Variants in PRKAR1B observed in about 807,000 individuals in gnomAD.
The protein encoded by PRKAR1B is cAMP-dependent protein kinase type I-beta regulatory subunit.
A neutral mutation model predicts 46.5 loss-of-function variants in PRKAR1B; 22 were observed. That is an observed-to-expected ratio of 0.47 (90% CI 0.34 to 0.68). The LOEUF is 0.68. Among genes scored for constraint, PRKAR1B ranks in the 30% least tolerant of loss-of-function variants. The probability of loss-of-function intolerance (pLI) is 0.01; values close to 1 mark genes in which losing one functional copy is unlikely to be tolerated. For synonymous variants in PRKAR1B, 259 were observed against 217.7 expected (o/e 1.19, Z -1.67); for missense variants, 445 against 535.6 (o/e 0.83, Z 1.67).
At chr7:680,252 C>G (rs1281141938) in intron 3 of PRKAR1B, among the ~76,000 whole-genome samples, 1 of 152,086 alleles carries the variant, frequency 6.6e-6, no homozygotes, top group Non-Finnish European at 1.5e-5. Flanking sequence ...ACTCCAAGGA[C>G]CTGGATGCCA....
intron 9 of PRKAR1B, among the ~76,000 whole-genome samples, chr7:568,672 C>T (rs1167834035): frequency 6.6e-6 from 1 of 151,948 alleles, no homozygotes; most frequent in Non-Finnish European, 1.5e-5. Context: ...GGTGGACGAC[C>T]GTGGGGTGCT....
At chr7:592,459 G>A (rs943354198) in intron 7 of PRKAR1B, among the ~76,000 whole-genome samples, 2 of 149,426 alleles carry the variant, frequency 1.3e-5, no homozygotes, top group Non-Finnish European at 3.0e-5. Flanking sequence ...TCCGGACATC[G>A]GTCCCTTCCC....
chr7:586,520 G>A (rs1780610455), intron 7 of PRKAR1B, among the ~76,000 whole-genome samples: 1 of 152,230 alleles, frequency 6.6e-6, no homozygotes, highest in Non-Finnish European at 1.5e-5. Context: ...CCCTGTTGGG[G>A]GGAAGCCACC....
At chr7:726,714 G>A in intron 1 of PRKAR1B, 2 of 1,239,022 alleles carry the variant, frequency 1.6e-6, no homozygotes, top group Non-Finnish European at 2.0e-6. Context: ...CCGGCGACGC[G>A]GGCAAGATGG....
rs1414294610 is a variant in PRKAR1B, at chr7:714,668, G to A, written c.-22-3141C>T. On this transcript the variant is annotated intron_variant, in intron 1 of 10. Transcript: ENST00000537384. This position sits in a 1 kb window ranked among gnomAD's most constrained non-coding sequence, Gnocchi z 4.3. ...GTGGCCCCCACCGCCCCAACCTGCA[G>A]ACAAGTTTCTGCCTGACTCCCAGGC... Among the ~76,000 whole-genome samples the A allele has an allele frequency of 2.0e-5, 3 of 152,354 alleles. No homozygotes were observed. The highest frequency in any genetic ancestry group is 4.8e-5 in the African/African-American group (2 of 41,586).
chr7:686,100 A>C (rs1207025450), intron 2 of PRKAR1B, among the ~76,000 whole-genome samples: 1 of 152,098 alleles, frequency 6.6e-6, no homozygotes, highest in Non-Finnish European at 1.5e-5. Context: ...GGAGATTGAG[A>C]CCATCCTGGC....
chr7:705,842 C>A (rs1021798668), intron 2 of PRKAR1B, among the ~76,000 whole-genome samples: 1 of 152,152 alleles, frequency 6.6e-6, no homozygotes, highest in African/African-American at 2.4e-5. Flanking sequence ...CACTGACCAA[C>A]GTGCTGAAAC....
chr7:657,300 G>A (rs199693597), intron 4 of PRKAR1B, among the ~76,000 whole-genome samples: 12,780 of 129,730 alleles, frequency 0.099, 871 homozygotes, highest in South Asian at 0.28. Context: ...TGGATGGATG[G>A]ATGAATGAAT....
At chr7:590,718 C>T (rs1357265274) in intron 7 of PRKAR1B, among the ~76,000 whole-genome samples, 1 of 152,210 alleles carries the variant, frequency 6.6e-6, no homozygotes, top group Non-Finnish European at 1.5e-5. Context: ...TCCCCAAGGT[C>T]CCCTCTTTCT....
chr7:725,647 T>G (rs1781234492), intron 1 of PRKAR1B, among the ~76,000 whole-genome samples: 1 of 152,186 alleles, frequency 6.6e-6, no homozygotes, highest in Admixed American at 6.5e-5. Context: ...CCAACCTCCT[T>G]CTTGCCTGGG....
chr7:691,151 T>A lies in PRKAR1B; in HGVS notation c.178-10425A>T, dbSNP rs1779399832. 2.6e-5 allele frequency among the ~76,000 whole-genome samples: 4 copies of A among 151,234 alleles called. 1 individual carries two copies. The South Asian group carries it at 8.4e-4, about 32-fold the overall frequency. On this transcript the variant is annotated intron_variant, in intron 2 of 10. Transcript: ENST00000537384. Reference sequence around the variant, plus strand: ...TCCGCTGCAAATCCTACCCGAAGGGTCCCGCGCCCACCCAAACTGTCCACT... The same window carrying A: ...TCCGCTGCAAATCCTACCCGAAGGGACCCGCGCCCACCCAAACTGTCCACT...
At chr7:668,029 G>A (rs1786030453) in intron 4 of PRKAR1B, among the ~76,000 whole-genome samples, 1 of 152,140 alleles carries the variant, frequency 6.6e-6, no homozygotes, top group Non-Finnish European at 1.5e-5. Context: ...GTTACGGATC[G>A]ACAAGAGCAA....
chr7:659,695 G>A (rs532401017), intron 4 of PRKAR1B, among the ~76,000 whole-genome samples: 1 of 152,228 alleles, frequency 6.6e-6, no homozygotes, highest in South Asian at 2.1e-4. Flanking sequence ...CCAGACGCAT[G>A]GGCCTTGTGA....
chr7:691,096 A>C (rs1316002280), intron 2 of PRKAR1B, among the ~76,000 whole-genome samples: 8 of 132,412 alleles, frequency 6.0e-5, no homozygotes, highest in African/African-American at 6.4e-5. Flanking sequence ...ATCCTACCCG[A>C]AGGGTCCCAC....
chr7:585,167 G>A (rs1379147145), intron 7 of PRKAR1B, among the ~76,000 whole-genome samples: 1 of 152,148 alleles, frequency 6.6e-6, no homozygotes, highest in Non-Finnish European at 1.5e-5. Context: ...TAGAAACTAG[G>A]ATTATAAATG....
chr7:726,610 G>T, intron 1 of PRKAR1B: 2 of 845,122 alleles, frequency 2.4e-6, no homozygotes, highest in Non-Finnish European at 3.1e-6. Context: ...GCACCGGCGG[G>T]GAGGAAGTAG....
chr7:686,082 C>A (rs1418793079), intron 2 of PRKAR1B, among the ~76,000 whole-genome samples: 2 of 151,976 alleles, frequency 1.3e-5, no homozygotes, highest in Non-Finnish European at 2.9e-5. Context: ...GGGCGGATCA[C>A]GAGGTCAGGA....
At chr7:720,636 T>C (rs1781040244) in intron 1 of PRKAR1B, among the ~76,000 whole-genome samples, 1 of 152,242 alleles carries the variant, frequency 6.6e-6, no homozygotes, top group Non-Finnish European at 1.5e-5. Flanking sequence ...TCTATCAGTT[T>C]CTGCTTTATA....
intron 2 of PRKAR1B, chr7:691,769 A>T (rs1157334245): frequency 2.5e-6 from 3 of 1,199,428 alleles, no homozygotes; most frequent in Non-Finnish European, 3.2e-6. Context: ...ACAGGGCTCT[A>T]CAAACACCGG....
Sources: gnomAD v4.1 joint callset for allele counts (sites outside exome capture counted in the v4.1 genomes callset) on GRCh38, gnomAD v4.1.1 for gene constraint, Gnocchi (gnomAD v3.1) non-coding constraint, MANE v1.5 for transcripts, NCBI Gene and HGNC (gene_info 2026-07-23, HGNC 2026-07-21) for gene names.